The following GPC5 variants were observed in gnomAD, a reference collection of about 807,000 sequenced individuals.
GPC5 encodes the protein glypican 5.
Under a neutral mutation model 53.9 loss-of-function variants are expected in GPC5, and 47 were observed. That is an observed-to-expected ratio of 0.87 (90% CI 0.69 to 1.11). GPC5 has a LOEUF of 1.11. Ranked by LOEUF, GPC5 falls within the 50% of genes most tolerant of loss-of-function variation. The probability of loss-of-function intolerance (pLI) is 0.00; values close to 1 mark genes in which losing one functional copy is unlikely to be tolerated. For missense variants in GPC5, 748 were observed against 713.1 expected, an observed-to-expected ratio of 1.05 and a Z score of -0.56; for synonymous variants, 286 against 263.3, an observed-to-expected ratio of 1.09 and a Z score of -0.84.
intron 7 of GPC5, among the ~76,000 whole-genome samples, chr13:92,223,646 C>A (rs1351444905): frequency 6.6e-6 from 1 of 151,344 alleles, no homozygotes; most frequent in African/African-American, 2.4e-5. Context: ...CCTTTGGATG[C>A]TTCACTTAGT....
intron 6 of GPC5, among the ~76,000 whole-genome samples, chr13:92,045,261 A>G (rs558250149): frequency 3.3e-5 from 5 of 152,284 alleles, no homozygotes; most frequent in East Asian, 1.9e-4. Flanking sequence ...CAGGCAAGCA[A>G]TTTCCAAGAC....
intron 7 of GPC5, among the ~76,000 whole-genome samples, chr13:92,567,225 T>C (rs1421369613): frequency 2.6e-5 from 4 of 152,144 alleles, no homozygotes; most frequent in Non-Finnish European, 5.9e-5. Flanking sequence ...TAAAATACTT[T>C]TGGCATTGTC....
chr13:91,594,879 A>T (rs1298597607), intron 2 of GPC5, among the ~76,000 whole-genome samples: 1 of 151,762 alleles, frequency 6.6e-6, no homozygotes. Flanking sequence ...TCACTATGTT[A>T]CCCAGGCTGG....
intron 7 of GPC5, among the ~76,000 whole-genome samples, chr13:92,453,246 C>A (rs1039728158): frequency 6.6e-6 from 1 of 152,094 alleles, no homozygotes. Flanking sequence ...GCATTGAAAG[C>A]GAGTTCCATT....
Position 91,627,891 on chromosome 13 carries a change from G to A in GPC5, c.326-65296G>A, listed in dbSNP as rs186168419. 3.6e-3 allele frequency among the ~76,000 whole-genome samples: 547 copies of A among 152,162 alleles called. 4 individuals carry two copies. The highest frequency in any genetic ancestry group is 0.013 in the African/African-American group (523 of 41,526). The stretch of plus-strand genomic sequence containing the variant: ...TGTATTACATAATTCTAAGTAATTA[G>A]AACAAGTAAATGTTTACCACTATTA... On this transcript the variant is annotated intron_variant, in intron 2 of 7. Transcript: ENST00000377067.
chr13:92,548,450 T>G (rs1594295564), intron 7 of GPC5, among the ~76,000 whole-genome samples: 1 of 151,562 alleles, frequency 6.6e-6, no homozygotes, highest in East Asian at 1.9e-4. Context: ...TATATTTAAG[T>G]TATCCTAAAC....
intron 6 of GPC5, among the ~76,000 whole-genome samples, chr13:91,965,614 G>T (rs751533319): frequency 3.3e-5 from 5 of 152,086 alleles, no homozygotes; most frequent in Non-Finnish European, 2.9e-5. Flanking sequence ...ATGAATGAGA[G>T]GGTATTAATT....
intron 5 of GPC5, among the ~76,000 whole-genome samples, chr13:91,808,682 C>A (rs1307932581): frequency 6.6e-6 from 1 of 152,170 alleles, no homozygotes; most frequent in African/African-American, 2.4e-5. Flanking sequence ...TGAAACCTCG[C>A]TGATTTCTGT....
intron 7 of GPC5, among the ~76,000 whole-genome samples, chr13:92,724,873 CAT>C (rs1397480462): frequency 7.4e-5 from 9 of 121,616 alleles, no homozygotes; most frequent in African/African-American, 1.9e-4. Context: ...GTGTCCTACA[CAT>C]ACACACACAC....
intron 7 of GPC5, among the ~76,000 whole-genome samples, chr13:92,742,114 T>A (rs1268784392): frequency 2.0e-5 from 3 of 151,672 alleles, no homozygotes; most frequent in South Asian, 2.1e-4. Context: ...ATGGGATGGC[T>A]GGGTCAAATG....
chr13:92,031,792 T>TATTACA (rs2040849192), intron 6 of GPC5, among the ~76,000 whole-genome samples: 1 of 105,708 alleles, frequency 9.5e-6, no homozygotes, highest in African/African-American at 4.1e-5. Context: ...ATATTACATA[T>TATTACA]TATATATAAT....
chr13:92,844,536 ATGTG>A (rs36093777), intron 7 of GPC5, among the ~76,000 whole-genome samples: 25 of 149,738 alleles, frequency 1.7e-4, no homozygotes, highest in African/African-American at 3.9e-4. Flanking sequence ...TACAGGAAAA[ATGTG>A]TGTGTGTGTG....
chr13:92,756,907 C>T (rs1365916058), intron 7 of GPC5, among the ~76,000 whole-genome samples: 4 of 151,486 alleles, frequency 2.6e-5, no homozygotes, highest in Admixed American at 2.6e-4. Flanking sequence ...CCATACTGCC[C>T]AAGGTAATTT....
At chr13:92,054,074 A>C (rs2041054048) in intron 6 of GPC5, among the ~76,000 whole-genome samples, 1 of 146,756 alleles carries the variant, frequency 6.8e-6, no homozygotes, top group Non-Finnish European at 1.5e-5. Flanking sequence ...TAAATAAATA[A>C]GATTTCACTT....
intron 2 of GPC5, among the ~76,000 whole-genome samples, chr13:91,648,229 T>C (rs1221309142): frequency 1.3e-5 from 2 of 152,238 alleles, no homozygotes; most frequent in African/African-American, 4.8e-5. Flanking sequence ...ATTGATTTTA[T>C]GTCAGGCATG....
chr13:92,328,101 G>C (rs918217015), intron 7 of GPC5, among the ~76,000 whole-genome samples: 1 of 152,162 alleles, frequency 6.6e-6, no homozygotes, highest in Non-Finnish European at 1.5e-5. Flanking sequence ...TTGTTAACAA[G>C]TGATTCTTAT....
At chr13:91,545,699 C>T (rs2030244112) in intron 2 of GPC5, among the ~76,000 whole-genome samples, 2 of 151,998 alleles carry the variant, frequency 1.3e-5, no homozygotes, top group African/African-American at 4.8e-5. Flanking sequence ...AGTAACTTCC[C>T]ATTTCCTCCT....
intron 7 of GPC5, among the ~76,000 whole-genome samples, chr13:92,589,407 C>G (rs1331728336): frequency 2.0e-5 from 3 of 152,160 alleles, no homozygotes; most frequent in Non-Finnish European, 4.4e-5. Flanking sequence ...AGACAATATT[C>G]TCTAATTCAC....
intron 6 of GPC5, among the ~76,000 whole-genome samples, chr13:92,098,747 G>T (rs987822859): frequency 1.3e-5 from 2 of 152,056 alleles, no homozygotes; most frequent in Admixed American, 1.3e-4. Flanking sequence ...TAATCACAAG[G>T]GTCTTTAAAA....
Sources: gnomAD v4.1 joint callset for allele counts (sites outside exome capture counted in the v4.1 genomes callset) on GRCh38, gnomAD v4.1.1 for gene constraint, MANE v1.5 for transcripts, NCBI Gene and HGNC (gene_info 2026-07-23, HGNC 2026-07-21) for gene names.